The following HHIP variants were observed in gnomAD, a reference collection of about 807,000 sequenced individuals.
HHIP encodes hedgehog interacting protein, also known as hedgehog-interacting protein.
Under a neutral mutation model 74.0 loss-of-function variants are expected in HHIP, and 12 were observed. The ratio of observed to expected loss-of-function variants is 0.16; its 90% CI spans 0.10 to 0.26. HHIP has a LOEUF of 0.26. Among genes scored for constraint, HHIP ranks in the 10% least tolerant of loss-of-function variants. HHIP has a pLI of 1.00. For missense variants in HHIP, 788 were observed against 845.0 expected, an observed-to-expected ratio of 0.93 and a Z score of 0.84; for synonymous variants, 309 against 311.6, an observed-to-expected ratio of 0.99 and a Z score of 0.09.
intron 7 of HHIP, among the ~76,000 whole-genome samples, chr4:144,711,502 C>T (rs970660446): frequency 6.6e-6 from 1 of 152,072 alleles, no homozygotes; most frequent in Non-Finnish European, 1.5e-5. Context: ...ACCCCGCCCC[C>T]CAACAGGCCC....
chr4:144,696,712 A>C (rs1729828849), intron 4 of HHIP, among the ~76,000 whole-genome samples: 1 of 152,008 alleles, frequency 6.6e-6, no homozygotes, highest in Non-Finnish European at 1.5e-5. Flanking sequence ...TTGTTTCCTT[A>C]CATGGAAAGT....
intron 4 of HHIP, among the ~76,000 whole-genome samples, chr4:144,665,707 G>A (rs959204301): frequency 1.3e-5 from 2 of 152,136 alleles, no homozygotes; most frequent in South Asian, 2.1e-4. Context: ...AAGTATAAGT[G>A]TGCATTTATG....
intron 10 of HHIP, 119 bp downstream of exon 10, chr4:144,715,549 C>T: frequency 1.1e-6 from 1 of 946,078 alleles, no homozygotes; most frequent in South Asian, 2.0e-5. Flanking sequence ...ATGTAATCCA[C>T]AGCAAAGATG....
At position 144,741,165 on chromosome 4, in the gene HHIP, A is replaced by C. The variant is rs753462101; in HGVS notation, c.*3208A>C. 7.9e-5 allele frequency: 12 copies of C among 152,048 alleles called. No individual in the cohort carries two copies. The highest frequency in any genetic ancestry group is 1.2e-4 in the Non-Finnish European group (8 of 67,994). The allele number at this position is 152,048 out of a possible 1,614,324, so 9.4% of individuals were successfully genotyped here. ...AATATATTTTTTTATTTTATCATGA[A>C]GAATACTCGGAAGGTTTCTCAGATT... On this transcript the variant is annotated 3_prime_UTR_variant, in exon 13 of 13. Transcript: ENST00000296575.
At chr4:144,650,278 C>A (rs1228747594) in intron 1 of HHIP, among the ~76,000 whole-genome samples, 2 of 152,030 alleles carry the variant, frequency 1.3e-5, no homozygotes, top group Non-Finnish European at 2.9e-5. Context: ...TAAAGGATGA[C>A]CTGCCAGATG....
intron 4 of HHIP, among the ~76,000 whole-genome samples, chr4:144,687,374 C>T (rs926248889): frequency 6.6e-6 from 1 of 152,156 alleles, no homozygotes; most frequent in African/African-American, 2.4e-5. Context: ...GCAAATCCAT[C>T]TTTAATGCAG....
At chr4:144,729,292 T>C (rs1730886582) in intron 11 of HHIP, among the ~76,000 whole-genome samples, 1 of 152,144 alleles carries the variant, frequency 6.6e-6, no homozygotes, top group Admixed American at 6.6e-5. Context: ...ATCAAATTGC[T>C]TACAGCGTGA....
Position 144,646,714 on chromosome 4 carries a change from C to T in HHIP, c.39C>T (p.Ala13=), listed in dbSNP as rs1728269379. Reference sequence around the variant, plus strand: ...TCTCCTTTAAGCTGCTGCTGCTGGCCGTGGCTCTGGGCTTCTTTGAAGGAG... The same window carrying T: ...TCTCCTTTAAGCTGCTGCTGCTGGCTGTGGCTCTGGGCTTCTTTGAAGGAG... ...KMLSFKLLLL[A]VALGFFEGDA... is the part of the protein sequence containing the mutation. The change falls in exon 1 of 13, where the codon GCC becomes GCT. Residue 13 remains alanine, a synonymous_variant. Transcript: ENST00000296575. 1 of 1,614,156 alleles carries T rather than the reference C, an allele frequency of 6.2e-7. No individual in the cohort carries two copies.
intron 7 of HHIP, among the ~76,000 whole-genome samples, chr4:144,710,871 C>T (rs982641285): frequency 6.6e-6 from 1 of 152,220 alleles, no homozygotes; most frequent in East Asian, 1.9e-4. Flanking sequence ...CAATGCAAGC[C>T]TGTTTTCCAC....
intron 11 of HHIP, among the ~76,000 whole-genome samples, chr4:144,731,267 G>C (rs564895033): frequency 1.3e-5 from 2 of 152,206 alleles, no homozygotes; most frequent in African/African-American, 4.8e-5. Flanking sequence ...TCATTCAATA[G>C]ATTTCTATTA....
intron 12 of HHIP, 136 bp downstream of exon 12, chr4:144,735,025 C>T (rs1289881416): frequency 5.6e-6 from 4 of 714,884 alleles, no homozygotes; most frequent in Non-Finnish European, 6.3e-6. Context: ...ACTATTAATG[C>T]TCATCTGTTT....
Position 144,659,796 on chromosome 4 carries a change from G to T in HHIP, c.789G>T (p.Glu263Asp), listed in dbSNP as rs770885115. 5 of 1,611,174 alleles carry T rather than the reference G, an allele frequency of 3.1e-6. No homozygotes were observed. Among genetic ancestry groups the T allele is most frequent in the East Asian group, 4.5e-5 (2 of 44,866 alleles). The change falls in exon 4 of 13, where the codon GAG becomes GAT. Residue 263 changes from glutamate to aspartate, a missense_variant. This residue lies in a region of HHIP where 373 missense variants were observed against 366.4 expected (regional missense o/e 1.02). Transcript: ENST00000296575. ...CCCCTGAAGGAGAAATTTTCAAGGA[G>T]CCTTATTTGGACATTCACAAACTTG... ...ILTPEGEIFK[E>D]PYLDIHKLVQ... is the part of the protein sequence containing the mutation.
Position 144,646,162 on chromosome 4 carries a change from G to C in HHIP, c.-514G>C, listed in dbSNP as rs199910112. On this transcript the variant is annotated 5_prime_UTR_variant, in exon 1 of 13. Coordinates refer to ENST00000296575, the MANE Select transcript of HHIP (RefSeq NM_022475.3). ...AGAAAAGAGGGAACGAAACATGAGA[G>C]GCTGTGTGAGAAGCTGCAGCCGCCG... The C allele has an allele frequency of 5.6e-4, 86 of 153,820 alleles. No individual in the cohort carries two copies. Among genetic ancestry groups the C allele is most frequent in the Middle Eastern group, 6.5e-3 (2 of 308 alleles). The allele number at this position is 153,820 out of a possible 1,614,324, so 9.5% of individuals were successfully genotyped here.
chr4:144,653,456 A>G (rs1009162172), intron 2 of HHIP, among the ~76,000 whole-genome samples: 2 of 152,156 alleles, frequency 1.3e-5, no homozygotes, highest in African/African-American at 4.8e-5. Flanking sequence ...TGTCATGAAC[A>G]TGCCTAGTCA....
At chr4:144,681,974 C>T (rs1729361619) in intron 4 of HHIP, among the ~76,000 whole-genome samples, 1 of 152,166 alleles carries the variant, frequency 6.6e-6, no homozygotes. Flanking sequence ...GAAGCTAAAG[C>T]ATAGGGAGAC....
chr4:144,684,556 G>A (rs957195452), intron 4 of HHIP, among the ~76,000 whole-genome samples: 3 of 151,952 alleles, frequency 2.0e-5, no homozygotes, highest in Non-Finnish European at 2.9e-5. Context: ...TGAGATTACA[G>A]GCGTGAGCCA....
At position 144,716,564 on chromosome 4, in the gene HHIP, G is replaced by A. The variant is rs554616883; in HGVS notation, c.1678+1134G>A. ...ACAATGATTTCAAATTTAAAAGAAT[G>A]AGGATGGGCATGGTGGCTCACGCCT... On this transcript the variant is annotated intron_variant, in intron 10 of 12. Transcript: ENST00000296575. Among the ~76,000 whole-genome samples, 58 of 152,200 alleles carry A rather than the reference G, an allele frequency of 3.8e-4. No homozygotes were observed. The South Asian group carries it at 0.012, about 32-fold the overall frequency.
intron 11 of HHIP, among the ~76,000 whole-genome samples, chr4:144,729,815 C>T (rs1560723256): frequency 6.6e-6 from 1 of 151,836 alleles, no homozygotes; most frequent in East Asian, 1.9e-4. Flanking sequence ...ATCAGGATAT[C>T]TACATAAGTA....
chr4:144,652,681 C>G lies in HHIP; in HGVS notation c.356C>G (p.Ser119Cys). ...AAATGTGCACTTTGCTCTCCACATT[C>G]TCAAAGCCTGTTCCACTCACCTGAG... ...EIKCALCSPH[S>C]QSLFHSPERE... Residue 119 changes from serine to cysteine, a missense_variant, in exon 2 of 13, where the codon TCT (serine) becomes TGT (cysteine). Transcript: ENST00000296575. The G allele has an allele frequency of 6.2e-7, 1 of 1,611,656 alleles. No individual in the cohort carries two copies. Among genetic ancestry groups the G allele is most frequent in the Non-Finnish European group, 8.5e-7 (1 of 1,177,902 alleles).
Sources: gnomAD v4.1 joint callset for allele counts (sites outside exome capture counted in the v4.1 genomes callset) on GRCh38, gnomAD v4.1.1 for gene constraint, gnomAD v4.1.1 regional missense constraint, MANE v1.5 for transcripts, NCBI Gene and HGNC (gene_info 2026-07-23, HGNC 2026-07-21) for gene names.